AEBP2: variants seen among roughly 807,000 people sequenced by gnomAD.
The protein encoded by AEBP2 is AE binding protein 2, also known as zinc finger protein AEBP2.
In AEBP2, 10 loss-of-function variants were observed where a neutral mutation model predicts 50.8. The ratio of observed to expected loss-of-function variants is 0.20; its 90% CI spans 0.12 to 0.33. The LOEUF (loss-of-function observed/expected upper bound fraction) is 0.33, where lower values mean the gene tolerates loss of function less well. Among genes scored for constraint, AEBP2 ranks in the 10% least tolerant of loss-of-function variants. The pLI, the probability that AEBP2 is intolerant of heterozygous loss-of-function variation, is 1.00. For missense variants in AEBP2, 570 were observed against 688.0 expected, an observed-to-expected ratio of 0.83 and a Z score of 1.92; for synonymous variants, 296 against 261.3, an observed-to-expected ratio of 1.13 and a Z score of -1.28.
intron 1 of AEBP2, chr12:19,413,293 A>G (rs937315321): frequency 6.9e-6 from 9 of 1,302,786 alleles, no homozygotes; most frequent in Non-Finnish European, 1.0e-5. Context: ...AAACTAAAGC[A>G]GTAGAGAATT....
intron 1 of AEBP2, among the ~76,000 whole-genome samples, chr12:19,411,452 T>C (rs1035306596): frequency 6.6e-6 from 1 of 152,160 alleles, no homozygotes; most frequent in African/African-American, 2.4e-5. Flanking sequence ...AATTTCCTCT[T>C]CTGTCTTTGG....
intron 5 of AEBP2, among the ~76,000 whole-genome samples, chr12:19,502,015 A>G (rs916278413): frequency 1.1e-4 from 16 of 152,142 alleles, no homozygotes; most frequent in Non-Finnish European, 2.4e-4. Flanking sequence ...CATAGATTAT[A>G]TGCAACACCA....
At chr12:19,494,904 T>TTTA (rs1215961730) in intron 4 of AEBP2, among the ~76,000 whole-genome samples, 4 of 152,014 alleles carry the variant, frequency 2.6e-5, no homozygotes, top group South Asian at 4.2e-4. Context: ...GTGGCTTTAT[T>TTTA]TTATTATTAT....
intron 2 of AEBP2, chr12:19,466,687 C>CA (rs1032827949): frequency 1.3e-5 from 7 of 529,176 alleles, no homozygotes; most frequent in Non-Finnish European, 1.7e-5. Flanking sequence ...AAGTAGAAAA[C>CA]ACCTGATTTT....
chr12:19,429,709 T>C (rs2095750429), intron 1 of AEBP2, among the ~76,000 whole-genome samples: 1 of 152,226 alleles, frequency 6.6e-6, no homozygotes, highest in Non-Finnish European at 1.5e-5. Flanking sequence ...GGTTTTGATT[T>C]GCATTTCTCT....
At chr12:19,489,934 G>A (rs1948870486) in intron 3 of AEBP2, among the ~76,000 whole-genome samples, 1 of 135,540 alleles carries the variant, frequency 7.4e-6, no homozygotes, top group African/African-American at 2.7e-5. Flanking sequence ...TTTTCTGTTA[G>A]AATTCTCATT....
chr12:19,418,689 T>A (rs1308416556), intron 1 of AEBP2, among the ~76,000 whole-genome samples: 1 of 152,148 alleles, frequency 6.6e-6, no homozygotes, highest in African/African-American at 2.4e-5. Flanking sequence ...GTCTTATGTA[T>A]CCCTAAAATG....
chr12:19,515,195 A>G (rs893387725), intron 7 of AEBP2, among the ~76,000 whole-genome samples: 4 of 152,150 alleles, frequency 2.6e-5, no homozygotes, highest in African/African-American at 4.8e-5. Flanking sequence ...CAAAAGAGCA[A>G]TTCAAATATT....
intron 1 of AEBP2, among the ~76,000 whole-genome samples, chr12:19,411,653 A>G (rs979555520): frequency 4.6e-5 from 7 of 152,228 alleles, no homozygotes; most frequent in African/African-American, 1.7e-4. Context: ...TATTATTACT[A>G]TGATTATTCT....
chr12:19,514,917 T>G lies in AEBP2; in HGVS notation c.1481+133T>G, dbSNP rs1314111985. On this transcript the variant is annotated intron_variant, in intron 7 of 7. Coordinates refer to ENST00000266508, the MANE Select transcript of AEBP2 (RefSeq NM_153207.5). Reference sequence around the variant, plus strand: ...CATATCTCATTACTTCCTGGCTTTTTTTTTTTTGGATGTGGACTCACAAAG... The same window carrying G: ...CATATCTCATTACTTCCTGGCTTTTGTTTTTTTGGATGTGGACTCACAAAG... 1.3e-5 allele frequency: 9 copies of G among 673,504 alleles called. No individual in the cohort carries two copies. The East Asian group carries it at 2.3e-4, about 17-fold the overall frequency. The allele number at this position is 673,504 out of a possible 1,614,324, so 41.7% of individuals were successfully genotyped here.
chr12:19,473,383 T>TAA (rs1948600184), intron 3 of AEBP2, 28 bp downstream of exon 3: 2 of 92,392 alleles, frequency 2.2e-5, no homozygotes, highest in East Asian at 2.5e-4. Context: ...TAAAATTTAT[T>TAA]TATTTATTTA....
chr12:19,502,628 A>G (rs1040609727), intron 5 of AEBP2, among the ~76,000 whole-genome samples: 53 of 146,806 alleles, frequency 3.6e-4, no homozygotes, highest in African/African-American at 1.3e-3. Context: ...CTTCTGTCCT[A>G]TTTCATTGGT....
intron 2 of AEBP2, among the ~76,000 whole-genome samples, chr12:19,468,024 G>A (rs556796294): frequency 6.6e-6 from 1 of 151,746 alleles, no homozygotes; most frequent in South Asian, 2.1e-4. Context: ...TTCCAGCCTG[G>A]ATGATAGAGC....
At chr12:19,486,418 G>T (rs1008083263) in intron 3 of AEBP2, among the ~76,000 whole-genome samples, 3 of 151,898 alleles carry the variant, frequency 2.0e-5, no homozygotes, top group Non-Finnish European at 4.4e-5. Context: ...TTGAGACGGG[G>T]TCTCACTCTG....
intron 4 of AEBP2, among the ~76,000 whole-genome samples, chr12:19,497,478 T>G (rs952362303): frequency 6.6e-6 from 1 of 151,890 alleles, no homozygotes; most frequent in African/African-American, 2.4e-5. Flanking sequence ...CTGTTTTTGT[T>G]TTTTGTTTTT....
chr12:19,439,069 G>T (rs1287368101), upstream of AEBP2, among the ~76,000 whole-genome samples: 1 of 152,192 alleles, frequency 6.6e-6, no homozygotes, highest in African/African-American at 2.4e-5. Flanking sequence ...TTCAAACATA[G>T]GGTGTATTAA....
At chr12:19,458,856 T>C (rs370061292) in intron 1 of AEBP2, among the ~76,000 whole-genome samples, 27 of 152,328 alleles carry the variant, frequency 1.8e-4, no homozygotes, top group African/African-American at 6.0e-4. Flanking sequence ...CTCCCACTCT[T>C]CCCTTCCCCC....
rs558663852 is a variant in AEBP2 at position 19,510,218 on chromosome 12, A to G, written c.1300-2180A>G. Among the ~76,000 whole-genome samples the G allele has an allele frequency of 3.0e-4, 46 of 152,330 alleles. 1 individual carries two copies. The South Asian group carries it at 9.5e-3, about 32-fold the overall frequency. ...TAAGGTAGAGACTGAATTGTCTACC[A>G]TATTCTACATTCCACACTCGGTGAG... On this transcript the variant is annotated intron_variant, in intron 5 of 7. Coordinates refer to ENST00000266508, the MANE Select transcript of AEBP2 (RefSeq NM_153207.5).
At chr12:19,426,947 C>T (rs1023219294) in intron 1 of AEBP2, among the ~76,000 whole-genome samples, 9 of 151,942 alleles carry the variant, frequency 5.9e-5, no homozygotes, top group African/African-American at 1.7e-4. Flanking sequence ...TCTGTGAGGA[C>T]GTTTCTGGAA....
Sources: gnomAD v4.1 joint callset for allele counts (sites outside exome capture counted in the v4.1 genomes callset) on GRCh38, gnomAD v4.1.1 for gene constraint, MANE v1.5 for transcripts, NCBI Gene and HGNC (gene_info 2026-07-23, HGNC 2026-07-21) for gene names.